Variants in FZD5 observed in about 807,000 individuals in gnomAD.
FZD5 encodes frizzled class receptor 5.
A neutral mutation model predicts 40.8 loss-of-function variants in FZD5; 12 were observed. That is an observed-to-expected ratio of 0.29 (90% CI 0.19 to 0.48). The LOEUF (loss-of-function observed/expected upper bound fraction) is 0.48, where lower values mean the gene tolerates loss of function less well. Among genes scored for constraint, FZD5 ranks in the 20% least tolerant of loss-of-function variants. The pLI, the probability that FZD5 is intolerant of heterozygous loss-of-function variation, is 0.99. For missense variants in FZD5, 622 were observed against 832.8 expected (o/e 0.75, Z 3.12); for synonymous variants, 380 against 383.7 (o/e 0.99, Z 0.11).
In FZD5 at chr2:207,764,310, CA is replaced by C. The variant is rs1176637676; in HGVS notation, c.*2671del. On this transcript the variant is annotated 3_prime_UTR_variant, in exon 2 of 2. Coordinates refer to ENST00000295417, the MANE Select transcript of FZD5 (RefSeq NM_003468.4). ...TTTATTTTACAGTTGCTTTCATGAG[CA>C]TGACTTGTTTCCATAATCACATGCA... The C allele has an allele frequency of 6.6e-6, 1 of 152,234 alleles. No individual in the cohort carries two copies. The highest frequency in any genetic ancestry group is 1.5e-5 in the Non-Finnish European group (1 of 68,070). 9.4% of individuals were successfully genotyped at this position (152,234 alleles called of 1,614,324 possible).
In FZD5 at chr2:207,767,292, G is replaced by T. The variant is rs1376240253; in HGVS notation, c.1448C>A (p.Thr483Asn). Residue 483 changes from threonine to asparagine, a missense_variant, in exon 2 of 2, where the codon ACC becomes AAC. Thr to Asn is a moderately conservative substitution (Grantham distance 65). Coordinates refer to ENST00000295417, the MANE Select transcript of FZD5 (RefSeq NM_003468.4). ...GGTGTCGTGGCCCGGGCAGGCGCAG[G>T]TGAGCGCCGCCTCCCAGCTCTCGCG... ...HYRESWEAAL[T>N]CACPGHDTGQ... 5.6e-6 allele frequency: 9 copies of T among 1,611,042 alleles called. No individual in the cohort carries two copies. Among genetic ancestry groups the T allele is most frequent in the Non-Finnish European group, 7.6e-6 (9 of 1,179,244 alleles).
chr2:207,763,632 C>T lies in FZD5; in HGVS notation c.*3350G>A, dbSNP rs565261125. 3.3e-5 allele frequency: 5 copies of T among 152,856 alleles called. No individual in the cohort carries two copies. Among genetic ancestry groups the T allele is most frequent in the Non-Finnish European group, 7.3e-5 (5 of 68,100 alleles). The allele number at this position is 152,856 out of a possible 1,614,324, so 9.5% of individuals were successfully genotyped here. ...TACCCCCCTTGGGCTTTCTGTAGAG[C>T]ACAAAAGTGAAAGAAGCTTCTTTGG... On this transcript the variant is annotated 3_prime_UTR_variant, in exon 2 of 2. Coordinates refer to ENST00000295417, the MANE Select transcript of FZD5 (RefSeq NM_003468.4).
In FZD5 at chr2:207,767,988, G is replaced by T. The variant is rs1053677362; in HGVS notation, c.752C>A (p.Ser251Tyr). 7 of 1,609,332 alleles carry T rather than the reference G, an allele frequency of 4.3e-6. No homozygotes were observed. The highest frequency in any genetic ancestry group is 5.9e-6 in the Non-Finnish European group (7 of 1,177,894). Residue 251 changes from serine (S) to tyrosine (Y), a missense_variant, in exon 2 of 2, where the codon TCC becomes TAC. Ser to Tyr is a moderately radical substitution (Grantham distance 144). Coordinates refer to ENST00000295417, the MANE Select transcript of FZD5 (RefSeq NM_003468.4). The stretch of plus-strand genomic sequence containing the variant: ...GATGAGGAAGGTGGCCACTGTGGTG[G>T]ACGTGGAGATGAAGCACAGCACCGA... ...LWSVLCFIST[S>Y]TTVATFLIDM...
Position 207,763,462 on chromosome 2 carries a change from T to C in FZD5, c.*3520A>G, listed in dbSNP as rs993405871. The C allele has an allele frequency of 2.0e-5, 3 of 152,604 alleles. No individual in the cohort carries two copies. The highest frequency in any genetic ancestry group is 6.5e-5 in the Admixed American group (1 of 15,272). The allele number at this position is 152,604 out of a possible 1,614,324, so 9.5% of individuals were successfully genotyped here. On this transcript the variant is annotated 3_prime_UTR_variant, in exon 2 of 2. Coordinates refer to ENST00000295417, the MANE Select transcript of FZD5 (RefSeq NM_003468.4). ...GATTTGTTTCCCAGGATCACTTGAT[T>C]GGACTTTGGAAACAAGAAAGAGCAT... is the stretch of plus-strand genomic sequence containing the variant.
In FZD5 at chr2:207,768,855, G is replaced by A. The variant is rs993468752; in HGVS notation, c.-116C>T. 5 of 831,548 alleles carry A rather than the reference G, an allele frequency of 6.0e-6. No individual in the cohort carries two copies. The highest frequency in any genetic ancestry group is 3.5e-5 in the African/African-American group (2 of 56,740). The allele number at this position is 831,548 out of a possible 1,614,324, so 51.5% of individuals were successfully genotyped here. On this transcript the variant is annotated 5_prime_UTR_variant, in exon 2 of 2. Coordinates refer to ENST00000295417, the MANE Select transcript of FZD5 (RefSeq NM_003468.4). ...TGTGTGGCGCCGGGGCTGGCAACCT[G>A]TTGGTTGCTTTTTCCTTTAAAGAAA...
At position 207,764,955 on chromosome 2, in the gene FZD5, G is replaced by A. The variant is rs1167330643; in HGVS notation, c.*2027C>T. ...GCTTCTTCCTAGAAGAATAAATAGA[G>A]GAATAAAATAGGCACAAAGTTCTGT... On this transcript the variant is annotated 3_prime_UTR_variant, in exon 2 of 2. Transcript: ENST00000295417. The A allele has an allele frequency of 1.3e-5, 2 of 152,176 alleles. No homozygotes were observed. 9.4% of individuals were successfully genotyped at this position (152,176 alleles called of 1,614,324 possible). A position where few individuals can be genotyped will look rare whatever the true frequency, so the allele number is the denominator to read the frequency against.
Position 207,767,839 on chromosome 2 carries a change from C to T in FZD5, c.901G>A (p.Glu301Lys). 4 of 1,602,720 alleles carry T rather than the reference C, an allele frequency of 2.5e-6. No homozygotes were observed. Among genetic ancestry groups the T allele is most frequent in the South Asian group, 1.1e-5 (1 of 89,518 alleles). ...VGHASVACSR[E>K]HNHIHYETTG... ...GTCTCGTAGTGGATGTGGTTGTGCT[C>T]GCGGCTGCAGGCCACGCTGGCATGG... The change falls in exon 2 of 2, where the codon GAG becomes AAG. Residue 301 changes from glutamate to lysine, a missense_variant. Physicochemically the swap from Glu to Lys is moderately conservative, Grantham distance 56 (BLOSUM62 1). This residue lies in a region of FZD5 where 208 missense variants were observed against 348.9 expected (regional missense o/e 0.60). Transcript: ENST00000295417.
chr2:207,766,902 G>C lies in FZD5; in HGVS notation c.*80C>G. 1 of 1,162,064 alleles carries C rather than the reference G, an allele frequency of 8.6e-7. No homozygotes were observed. Among genetic ancestry groups the C allele is most frequent in the Non-Finnish European group, 1.2e-6 (1 of 864,500 alleles). The allele number at this position is 1,162,064 out of a possible 1,614,324, so 72.0% of individuals were successfully genotyped here. On this transcript the variant is annotated 3_prime_UTR_variant, in exon 2 of 2. Transcript: ENST00000295417. Reference sequence around the variant, plus strand: ...GGGCAACAGCACCATGAAGGTAAACGGAAGTGACCTTGGCAAAACTACCAA... The same window carrying C: ...GGGCAACAGCACCATGAAGGTAAACCGAAGTGACCTTGGCAAAACTACCAA...
chr2:207,767,308 A>C lies in FZD5; in HGVS notation c.1432T>G (p.Trp478Gly). 5 of 1,611,520 alleles carry C rather than the reference A, an allele frequency of 3.1e-6. No homozygotes were observed. Among genetic ancestry groups the C allele is most frequent in the Non-Finnish European group, 3.4e-6 (4 of 1,179,430 alleles). Residue 478 changes from tryptophan to glycine, a missense_variant, in exon 2 of 2, where the codon TGG becomes GGG. Around this residue, in one of 4 missense-constraint regions of FZD5, gnomAD observed 208 missense variants for 348.9 expected, o/e 0.60. Transcript: ENST00000295417. ...YLYEQHYRES[W>G]EAALTCACPG... ...CAGGCGCAGGTGAGCGCCGCCTCCC[A>C]GCTCTCGCGGTAGTGCTGCTCGTAC...
chr2:207,767,108 G>C lies in FZD5; in HGVS notation c.1632C>G (p.Gly544=), dbSNP rs1301242461. The change falls in exon 2 of 2, where the codon GGC becomes GGG. Residue 544 remains glycine (G), a synonymous_variant. Coordinates refer to ENST00000295417, the MANE Select transcript of FZD5 (RefSeq NM_003468.4). ...TSRCCCRPRR[G]HKSGGAMAAG... Reference sequence around the variant, plus strand: ...CGGCCATGGCGCCCCCGCTCTTGTGGCCGCGCCGCGGGCGGCAGCAGCAGC... The same window carrying C: ...CGGCCATGGCGCCCCCGCTCTTGTGCCCGCGCCGCGGGCGGCAGCAGCAGC... The C allele has an allele frequency of 6.4e-7, 1 of 1,567,064 alleles. No homozygotes were observed. The highest frequency in any genetic ancestry group is 8.6e-7 in the Non-Finnish European group (1 of 1,156,832).
At position 207,766,006 on chromosome 2, in the gene FZD5, T is replaced by A. The variant is rs1382966480; in HGVS notation, c.*976A>T. On this transcript the variant is annotated 3_prime_UTR_variant, in exon 2 of 2. Transcript: ENST00000295417. ...TTAAAAAGGAGCCCCCTTTAGCAAC[T>A]GTCGCTAAGTATTGTCCAGAGGGAG... The A allele has an allele frequency of 2.0e-5, 3 of 148,050 alleles. No homozygotes were observed. The highest frequency in any genetic ancestry group is 6.9e-5 in the Admixed American group (1 of 14,570). 9.2% of individuals were successfully genotyped at this position (148,050 alleles called of 1,614,324 possible).
chr2:207,766,018 T>A lies in FZD5; in HGVS notation c.*964A>T, dbSNP rs1490062401. 2 of 149,792 alleles carry A rather than the reference T, an allele frequency of 1.3e-5. No homozygotes were observed. Among genetic ancestry groups the A allele is most frequent in the Non-Finnish European group, 2.9e-5 (2 of 67,814 alleles). The allele number at this position is 149,792 out of a possible 1,614,324, so 9.3% of individuals were successfully genotyped here. On this transcript the variant is annotated 3_prime_UTR_variant, in exon 2 of 2. Coordinates refer to ENST00000295417, the MANE Select transcript of FZD5 (RefSeq NM_003468.4). ...CCCCTTTAGCAACTGTCGCTAAGTA[T>A]TGTCCAGAGGGAGTGGGTTTATACT...
Position 207,768,893 on chromosome 2 carries a change from T to G in FZD5, c.-154A>C. 1 of 643,750 alleles carries G rather than the reference T, an allele frequency of 1.6e-6. No individual in the cohort carries two copies. The highest frequency in any genetic ancestry group is 2.7e-6 in the Non-Finnish European group (1 of 370,964). 39.9% of individuals were successfully genotyped at this position (643,750 alleles called of 1,614,324 possible). A position where few individuals can be genotyped will look rare whatever the true frequency, so the allele number is the denominator to read the frequency against. ...TCCTTTAAAGAAAACCGTCCAAAGA[T>G]AAACTGCTTCGGGAAGGCGCTGCCT... is the stretch of plus-strand genomic sequence containing the variant. On this transcript the variant is annotated 5_prime_UTR_variant, in exon 2 of 2. Transcript: ENST00000295417.
At position 207,768,095 on chromosome 2, in the gene FZD5, C is replaced by G; in HGVS notation, c.645G>C (p.Val215=). 1 of 1,613,424 alleles carries G rather than the reference C, an allele frequency of 6.2e-7. No homozygotes were observed. Among genetic ancestry groups the G allele is most frequent in the Admixed American group, 1.7e-5 (1 of 59,972 alleles). Residue 215 remains valine, a synonymous_variant, in exon 2 of 2, where the codon GTG becomes GTC. Transcript: ENST00000295417. ...GGTAGCAGGGTACCGCGCAGTTGGGCACCTGGCCCGTCCGCACCTTGTTGT... is the reference window on the plus strand; with the variant it reads ...GGTAGCAGGGTACCGCGCAGTTGGGGACCTGGCCCGTCCGCACCTTGTTGT... ...PLYNKVRTGQ[V]PNCAVPCYQP... is the part of the protein sequence containing the mutation.
chr2:207,765,929 A>C lies in FZD5; in HGVS notation c.*1053T>G, dbSNP rs1418260223. On this transcript the variant is annotated 3_prime_UTR_variant, in exon 2 of 2. Coordinates refer to ENST00000295417, the MANE Select transcript of FZD5 (RefSeq NM_003468.4). ...GGGGAGGGGGGAGGGGGTGGAGCAA[A>C]TAAGTGTTGGAAATTTACTTATTAG... The C allele has an allele frequency of 6.6e-6, 1 of 151,984 alleles. No homozygotes were observed. Among genetic ancestry groups the C allele is most frequent in the Admixed American group, 6.5e-5 (1 of 15,272 alleles). The allele number at this position is 151,984 out of a possible 1,614,324, so 9.4% of individuals were successfully genotyped here. A position where few individuals can be genotyped will look rare whatever the true frequency, so the allele number is the denominator to read the frequency against.
Position 207,768,799 on chromosome 2 carries a change from C to T in FZD5, c.-60G>A. On this transcript the variant is annotated 5_prime_UTR_variant, in exon 2 of 2. Coordinates refer to ENST00000295417, the MANE Select transcript of FZD5 (RefSeq NM_003468.4). ...GAGGGACGCACACAGGCAGAGGAAT[C>T]CGGGCCGGGGCTTCTCCCTCCGGCG... The T allele has an allele frequency of 7.5e-7, 1 of 1,340,188 alleles. No individual in the cohort carries two copies. The highest frequency in any genetic ancestry group is 1.0e-6 in the Non-Finnish European group (1 of 996,360). The allele number at this position is 1,340,188 out of a possible 1,614,324, so 83.0% of individuals were successfully genotyped here.
Position 207,768,885 on chromosome 2 carries a change from T to A in FZD5, c.-146A>T. On this transcript the variant is annotated 5_prime_UTR_variant, in exon 2 of 2. Coordinates refer to ENST00000295417, the MANE Select transcript of FZD5 (RefSeq NM_003468.4). ...TTGCTTTTTCCTTTAAAGAAAACCG[T>A]CCAAAGATAAACTGCTTCGGGAAGG... The A allele has an allele frequency of 3.0e-6, 2 of 664,842 alleles. No homozygotes were observed. Among genetic ancestry groups the A allele is most frequent in the Non-Finnish European group, 5.1e-6 (2 of 389,404 alleles). 41.2% of individuals were successfully genotyped at this position (664,842 alleles called of 1,614,324 possible). A position where few individuals can be genotyped will look rare whatever the true frequency, so the allele number is the denominator to read the frequency against.
rs1458402385 is a variant in FZD5, at chr2:207,766,406, A to T, written c.*576T>A. 1 of 152,608 alleles carries T rather than the reference A, an allele frequency of 6.6e-6. No homozygotes were observed. Among genetic ancestry groups the T allele is most frequent in the Non-Finnish European group, 1.5e-5 (1 of 68,050 alleles). 9.5% of individuals were successfully genotyped at this position (152,608 alleles called of 1,614,324 possible). A position where few individuals can be genotyped will look rare whatever the true frequency, so the allele number is the denominator to read the frequency against. On this transcript the variant is annotated 3_prime_UTR_variant, in exon 2 of 2. Transcript: ENST00000295417. ...ACTTTGGGGAGGCCCTGAGCTCATT[A>T]TGCTCCCCTCCTAGGTATGACCTGG...
chr2:207,767,663 G>A lies in FZD5; in HGVS notation c.1077C>T (p.Tyr359=), dbSNP rs367544612. The change falls in exon 2 of 2, where the codon TAC becomes TAT. Residue 359 remains tyrosine, a synonymous_variant. Transcript: ENST00000295417. ...GGATGAGCCACGCAGCCAGGTGGAA[G>A]TACTGCGCGTAGCCCGCGATGGCCT... is the stretch of plus-strand genomic sequence containing the variant. The part of the protein sequence containing the change: ...GNEAIAGYAQ[Y]FHLAAWLIPS... 1 of 1,613,406 alleles carries A rather than the reference G, an allele frequency of 6.2e-7. No individual in the cohort carries two copies. Among genetic ancestry groups the A allele is most frequent in the South Asian group, 1.1e-5 (1 of 90,980 alleles).
Sources: allele counts gnomAD v4.1 joint callset, GRCh38; gene constraint gnomAD v4.1.1; regional missense constraint gnomAD v4.1.1; transcripts MANE v1.5; gene names NCBI Gene and HGNC (gene_info 2026-07-23, HGNC 2026-07-21).